Variants in NRXN3 observed in about 807,000 individuals in gnomAD.
The protein encoded by NRXN3 is neurexin 3.
In NRXN3, 32 loss-of-function variants were observed where a neutral mutation model predicts 137.6. The observed-to-expected ratio is 0.23, with a 90% CI of 0.18 to 0.31. NRXN3 has a LOEUF of 0.31. NRXN3 is among the 10% of genes least tolerant of loss of function. NRXN3 has a pLI of 1.00. For synonymous variants in NRXN3, 798 were observed against 784.5 expected (o/e 1.02, Z -0.29); for missense variants, 1,574 against 2,062.5 (o/e 0.76, Z 4.59).
intron 8 of NRXN3, among the ~76,000 whole-genome samples, chr14:78,733,437 C>G (rs1365844467): frequency 6.6e-6 from 1 of 152,116 alleles, no homozygotes; most frequent in Non-Finnish European, 1.5e-5. Context: ...GTCTATGTAG[C>G]CATTTCAAAG....
Position 79,438,322 on chromosome 14 carries a change from A to T in NRXN3, c.3263-28899A>T, listed in dbSNP as rs986581736. Among the ~76,000 whole-genome samples the T allele has an allele frequency of 3.9e-4, 60 of 152,186 alleles. 1 individual carries two copies. The highest frequency in any genetic ancestry group is 1.3e-4 in the Non-Finnish European group (9 of 68,038). ...CTAGGTATCCTGGTTGAGTTTGTTA[A>T]TAAAAGTTCGGTTTGGATTTAGACG... On this transcript the variant is annotated intron_variant, in intron 15 of 20. Coordinates refer to ENST00000335750, the MANE Select transcript of NRXN3 (RefSeq NM_001330195.2).
intron 15 of NRXN3, among the ~76,000 whole-genome samples, chr14:79,378,941 T>C (rs1306116537): frequency 6.6e-6 from 1 of 151,660 alleles, no homozygotes; most frequent in Non-Finnish European, 1.5e-5. Context: ...AGTTGATCCA[T>C]GTGGTCTTTT....
chr14:78,243,173 G>T lies in NRXN3; in HGVS notation c.80G>T (p.Gly27Val). 6.5e-7 allele frequency: 1 copy of T among 1,544,894 alleles called. No individual in the cohort carries two copies. Among genetic ancestry groups the T allele is most frequent in the Non-Finnish European group, 8.7e-7 (1 of 1,152,022 alleles). Residue 27 changes from glycine (G) to valine (V), a missense_variant, in exon 2 of 21, where the codon GGC becomes GTC. Physicochemically the swap from Gly to Val is moderately radical, Grantham distance 109 (BLOSUM62 -3). This residue lies in a region of NRXN3 where 400 missense variants were observed against 527.3 expected (regional missense o/e 0.76). Coordinates refer to ENST00000335750, the MANE Select transcript of NRXN3 (RefSeq NM_001330195.2). The surrounding 1 kb of genome is among the most constrained non-coding windows in gnomAD (Gnocchi z 4.2). Reference sequence around the variant, plus strand: ...GGGTCCCTGCTGGGGCTCTGCCTGGGCCTTGAGTTCATGGGCCTCCCCAAC... The same window carrying T: ...GGGTCCCTGCTGGGGCTCTGCCTGGTCCTTGAGTTCATGGGCCTCCCCAAC... ...LLGSLLGLCL[G>V]LEFMGLPNQW...
intron 15 of NRXN3, among the ~76,000 whole-genome samples, chr14:79,097,187 A>C (rs141780316): frequency 2.4e-4 from 36 of 152,218 alleles, no homozygotes; most frequent in Non-Finnish European, 1.0e-4. Context: ...CTCAACTGAG[A>C]TAGGTCTTGT....
At chr14:79,320,140 T>G (rs887183314) in intron 15 of NRXN3, among the ~76,000 whole-genome samples, 1 of 152,224 alleles carries the variant, frequency 6.6e-6, no homozygotes, top group Non-Finnish European at 1.5e-5. Flanking sequence ...GGATTGTGGT[T>G]TTGCCCAAGG....
At chr14:78,927,693 T>G (rs1246832309) in intron 10 of NRXN3, among the ~76,000 whole-genome samples, 2 of 152,170 alleles carry the variant, frequency 1.3e-5, no homozygotes, top group African/African-American at 4.8e-5. Context: ...ACCATTATGA[T>G]ATTGATTTCA....
At chr14:78,349,709 G>A (rs959699569) in intron 4 of NRXN3, among the ~76,000 whole-genome samples, 22 of 152,138 alleles carry the variant, frequency 1.4e-4, no homozygotes, top group Non-Finnish European at 2.6e-4. Context: ...CCCCTTCAAG[G>A]ACTAGCAAGT....
chr14:79,308,832 C>T (rs1598525856), intron 15 of NRXN3, among the ~76,000 whole-genome samples: 2 of 129,414 alleles, frequency 1.5e-5, no homozygotes, highest in South Asian at 5.1e-4. Flanking sequence ...CTCATCAGCA[C>T]AGGGAAGCAT....
chr14:79,184,130 T>C (rs2063250038), intron 15 of NRXN3, among the ~76,000 whole-genome samples: 1 of 152,190 alleles, frequency 6.6e-6, no homozygotes, highest in Admixed American at 6.5e-5. Flanking sequence ...GGGTCCTTCA[T>C]TTAGTGTCAA....
rs190166199 is a variant in NRXN3, at chr14:78,209,386, C to T, written c.-703-33005C>T. ...GCTCTCAGGGCCGGTGCGATTACCTCGTCCATCTTCCTATCTGCTCATGTG... is the reference window on the plus strand; with the variant it reads ...GCTCTCAGGGCCGGTGCGATTACCTTGTCCATCTTCCTATCTGCTCATGTG... On this transcript the variant is annotated intron_variant, in intron 1 of 20. Transcript: ENST00000335750. Among the ~76,000 whole-genome samples the T allele has an allele frequency of 2.4e-3, 358 of 152,292 alleles. 2 individuals are homozygous for T. Among genetic ancestry groups the T allele is most frequent in the Middle Eastern group, 0.02 (6 of 294 alleles).
At chr14:78,782,900 G>C (rs570359363) in intron 8 of NRXN3, among the ~76,000 whole-genome samples, 13 of 152,286 alleles carry the variant, frequency 8.5e-5, no homozygotes, top group African/African-American at 2.9e-4. Context: ...CTGGCAAGGA[G>C]AGGTAAACAT....
intron 4 of NRXN3, among the ~76,000 whole-genome samples, chr14:78,328,371 T>C (rs760051648): frequency 6.6e-6 from 1 of 152,212 alleles, no homozygotes; most frequent in Non-Finnish European, 1.5e-5. Flanking sequence ...GGAGATTTGA[T>C]TCATGTTCCC....
At chr14:78,527,904 G>T (rs1377166756) in intron 4 of NRXN3, among the ~76,000 whole-genome samples, 4 of 152,138 alleles carry the variant, frequency 2.6e-5, no homozygotes, top group Non-Finnish European at 5.9e-5. Flanking sequence ...CCTCTGTGAA[G>T]TAAAACTTTA....
intron 15 of NRXN3, among the ~76,000 whole-genome samples, chr14:79,230,778 T>C (rs916081917): frequency 1.3e-5 from 2 of 152,152 alleles, no homozygotes; most frequent in Non-Finnish European, 2.9e-5. Context: ...GACTTTCACC[T>C]GGAAACCAGA....
intron 4 of NRXN3, among the ~76,000 whole-genome samples, chr14:78,463,550 T>G (rs957018534): frequency 6.9e-6 from 1 of 144,468 alleles, no homozygotes; most frequent in Non-Finnish European, 1.5e-5. Flanking sequence ...TACCTTGTTG[T>G]TTTTTTTGAC....
chr14:79,069,563 T>TA (rs5809919), intron 15 of NRXN3, among the ~76,000 whole-genome samples: 9 of 146,484 alleles, frequency 6.1e-5, no homozygotes, highest in East Asian at 2.0e-4. Flanking sequence ...TGAAATTTTA[T>TA]AAAAAAAAAA....
intron 15 of NRXN3, among the ~76,000 whole-genome samples, chr14:79,287,617 G>A (rs1441411116): frequency 6.6e-6 from 1 of 152,136 alleles, no homozygotes; most frequent in Non-Finnish European, 1.5e-5. Flanking sequence ...CTCAAAGTTT[G>A]TAGAGCAGAT....
chr14:78,758,135 G>A (rs773095097), intron 8 of NRXN3, among the ~76,000 whole-genome samples: 6 of 152,136 alleles, frequency 3.9e-5, no homozygotes, highest in Non-Finnish European at 8.8e-5. Flanking sequence ...TTGTGAAGTG[G>A]GAATTAGGGC....
intron 10 of NRXN3, among the ~76,000 whole-genome samples, chr14:78,877,507 G>A (rs117506350): frequency 1.1e-3 from 169 of 152,180 alleles, no homozygotes; most frequent in Non-Finnish European, 2.1e-3. Flanking sequence ...GCAGTGATTT[G>A]TATTTATTTC....
Sources: allele counts gnomAD v4.1 joint callset (sites outside exome capture counted in the v4.1 genomes callset), GRCh38; gene constraint gnomAD v4.1.1; regional missense constraint gnomAD v4.1.1; non-coding constraint Gnocchi (gnomAD v3.1); transcripts MANE v1.5; gene names NCBI Gene and HGNC (gene_info 2026-07-23, HGNC 2026-07-21).